The following EFNA5 variants were observed in gnomAD, a reference collection of about 807,000 sequenced individuals.
EFNA5 encodes ephrin A5, also known as ephrin-A5.
In EFNA5, 5 loss-of-function variants were observed where a neutral mutation model predicts 22.9. The observed-to-expected ratio is 0.22, with a 90% CI of 0.11 to 0.46. The LOEUF (loss-of-function observed/expected upper bound fraction) is 0.46. Among genes scored for constraint, EFNA5 ranks in the 20% least tolerant of loss-of-function variants. The pLI, the probability that EFNA5 is intolerant of heterozygous loss-of-function variation, is 0.99. For missense variants in EFNA5, 237 were observed against 293.3 expected (o/e 0.81, Z 1.40); for synonymous variants, 113 against 112.2 (o/e 1.01, Z -0.04).
At chr5:107,664,707 A>G (rs1029349383) in intron 1 of EFNA5, among the ~76,000 whole-genome samples, 1 of 152,166 alleles carries the variant, frequency 6.6e-6, no homozygotes, top group Non-Finnish European at 1.5e-5. Context: ...TCAGTTCAGA[A>G]AGCGGATCTG....
chr5:107,564,423 GGTATT>G (rs952635647), intron 1 of EFNA5, among the ~76,000 whole-genome samples: 9 of 152,118 alleles, frequency 5.9e-5, no homozygotes, highest in African/African-American at 1.9e-4. Context: ...TGTGCTTGAT[GGTATT>G]AGTTGTATTT....
chr5:107,539,830 A>C lies in EFNA5; in HGVS notation c.126-112321T>G, dbSNP rs1358296130. On this transcript the variant is annotated intron_variant, in intron 1 of 4. Transcript: ENST00000333274. ...GGTGACTCTATGGTTATTTAACTCTATGGTTAATTAAAAGGAGAAAGTAGG... is the reference window on the plus strand; with the variant it reads ...GGTGACTCTATGGTTATTTAACTCTCTGGTTAATTAAAAGGAGAAAGTAGG... 2.6e-5 allele frequency among the ~76,000 whole-genome samples: 4 copies of C among 152,140 alleles called. 1 individual carries two copies. Among genetic ancestry groups the C allele is most frequent in the African/African-American group, 9.7e-5 (4 of 41,438 alleles).
At chr5:107,664,136 A>T (rs1751022839) in intron 1 of EFNA5, among the ~76,000 whole-genome samples, 1 of 152,082 alleles carries the variant, frequency 6.6e-6, no homozygotes, top group African/African-American at 2.4e-5. Flanking sequence ...ATTTGCATCC[A>T]CTCAAATTTT....
intron 1 of EFNA5, among the ~76,000 whole-genome samples, chr5:107,523,845 A>G (rs528249878): frequency 1.3e-5 from 2 of 152,246 alleles, no homozygotes; most frequent in Admixed American, 6.5e-5. Context: ...AGGTAGCAGA[A>G]GCAGACTGTA....
chr5:107,424,712 C>A (rs920028652), intron 2 of EFNA5, among the ~76,000 whole-genome samples: 3 of 152,096 alleles, frequency 2.0e-5, no homozygotes, highest in Admixed American at 6.6e-5. Context: ...TCATTCCACA[C>A]ACATTAGGGA....
At chr5:107,664,981 TA>T (rs1162793441) in intron 1 of EFNA5, among the ~76,000 whole-genome samples, 25 of 152,188 alleles carry the variant, frequency 1.6e-4, no homozygotes, top group Non-Finnish European at 7.4e-5. Context: ...TGGTATCTTA[TA>T]AAAAATTTTT....
At chr5:107,605,080 G>C (rs1749683645) in intron 1 of EFNA5, among the ~76,000 whole-genome samples, 1 of 147,326 alleles carries the variant, frequency 6.8e-6, no homozygotes, top group African/African-American at 2.5e-5. Context: ...AGGGCCAGTG[G>C]TTCCACTGGG....
chr5:107,630,643 C>T (rs1237203094), intron 1 of EFNA5, among the ~76,000 whole-genome samples: 1 of 151,850 alleles, frequency 6.6e-6, no homozygotes, highest in Admixed American at 6.6e-5. Flanking sequence ...ACTTTATGAA[C>T]ACTGGACACT....
chr5:107,518,351 G>A, intron 1 of EFNA5, among the ~76,000 whole-genome samples: 1 of 152,004 alleles, frequency 6.6e-6, no homozygotes, highest in Non-Finnish European at 1.5e-5. Context: ...AGGCCCTGGA[G>A]GTCACTGTGA....
intron 1 of EFNA5, among the ~76,000 whole-genome samples, chr5:107,513,206 G>A (rs1747408376): frequency 6.6e-6 from 1 of 152,138 alleles, no homozygotes; most frequent in Non-Finnish European, 1.5e-5. Context: ...AGAGATTTGG[G>A]GCTGGGAAAA....
chr5:107,546,235 C>T (rs1748150263), intron 1 of EFNA5, among the ~76,000 whole-genome samples: 1 of 152,220 alleles, frequency 6.6e-6, no homozygotes, highest in South Asian at 2.1e-4. Context: ...AGGGGCCGCC[C>T]TCCTAGCACT....
intron 1 of EFNA5, among the ~76,000 whole-genome samples, chr5:107,537,203 AT>A (rs1747947784): frequency 6.6e-6 from 1 of 152,078 alleles, no homozygotes. Flanking sequence ...AGCTAAAAAC[AT>A]TTGTCTAGAC....
intron 1 of EFNA5, among the ~76,000 whole-genome samples, chr5:107,474,993 T>G (rs564490419): frequency 1.6e-3 from 249 of 152,350 alleles, no homozygotes; most frequent in Middle Eastern, 3.4e-3. Flanking sequence ...AATGTGAGGT[T>G]ACTTCCTGCT....
intron 1 of EFNA5, among the ~76,000 whole-genome samples, chr5:107,636,162 G>C (rs1750369386): frequency 1.3e-5 from 2 of 152,070 alleles, no homozygotes; most frequent in Admixed American, 1.3e-4. Flanking sequence ...TTATATATGT[G>C]TGTGTACATA....
intron 1 of EFNA5, among the ~76,000 whole-genome samples, chr5:107,579,662 A>C (rs566551073): frequency 1.3e-5 from 2 of 152,292 alleles, no homozygotes; most frequent in Non-Finnish European, 2.9e-5. Context: ...AATAGAAATG[A>C]GCAACATGAC....
intron 1 of EFNA5, among the ~76,000 whole-genome samples, chr5:107,603,413 G>A (rs1749646924): frequency 6.6e-6 from 1 of 152,144 alleles, no homozygotes; most frequent in Admixed American, 6.5e-5. Flanking sequence ...ATAAATCACT[G>A]TCTCTGATAC....
At chr5:107,583,676 G>C (rs990173485) in intron 1 of EFNA5, among the ~76,000 whole-genome samples, 2 of 152,208 alleles carry the variant, frequency 1.3e-5, no homozygotes, top group African/African-American at 2.4e-5. Flanking sequence ...TACATAATGG[G>C]ACGTCAGCAC....
At chr5:107,491,372 C>T (rs189457612) in intron 1 of EFNA5, among the ~76,000 whole-genome samples, 7 of 152,298 alleles carry the variant, frequency 4.6e-5, no homozygotes, top group Middle Eastern at 3.4e-3. Flanking sequence ...AGTGCAATGG[C>T]GTGATCTCAG....
intron 1 of EFNA5, among the ~76,000 whole-genome samples, chr5:107,550,430 T>C (rs630897): frequency 6.6e-6 from 1 of 152,166 alleles, no homozygotes; most frequent in Non-Finnish European, 1.5e-5. Flanking sequence ...TTTGACAGTA[T>C]TGTAGAGGAG....
Sources: gnomAD v4.1 joint callset for allele counts (sites outside exome capture counted in the v4.1 genomes callset) on GRCh38, gnomAD v4.1.1 for gene constraint, MANE v1.5 for transcripts, NCBI Gene and HGNC (gene_info 2026-07-23, HGNC 2026-07-21) for gene names.